Variants in MCPH1 observed in about 807,000 individuals in gnomAD.
MCPH1 encodes microcephalin.
MCPH1 carries 104 observed loss-of-function variants against 84.5 expected under a neutral mutation model. The observed-to-expected ratio is 1.23, with a 90% CI of 1.05 to 1.45. The LOEUF is 1.45. Among genes scored for constraint, MCPH1 ranks in the 40% most tolerant of loss-of-function variants. The probability of loss-of-function intolerance (pLI) is 0.00; values close to 1 mark genes in which losing one functional copy is unlikely to be tolerated. For synonymous variants in MCPH1, 514 were observed against 366.8 expected (o/e 1.40, Z -4.58); for missense variants, 1,498 against 1,005.7 (o/e 1.49, Z -6.62).
At chr8:6,433,054 T>C (rs890255988) in intron 4 of MCPH1, among the ~76,000 whole-genome samples, 1 of 152,220 alleles carries the variant, frequency 6.6e-6, no homozygotes, top group African/African-American at 2.4e-5. Flanking sequence ...TGCTATCTTA[T>C]GTGTATCATT....
chr8:6,623,714 AAAAAC>A, intron 13 of MCPH1, among the ~76,000 whole-genome samples: 4 of 2,992 alleles, frequency 1.3e-3, no homozygotes, highest in African/African-American at 3.9e-3. Context: ...AAAAAAAAAA[AAAAAC>A]TATTGATTTT....
At position 6,473,990 on chromosome 8, in the gene MCPH1, A is replaced by G. The variant is rs1444984252; in HGVS notation, c.1936-3604A>G. 3 of 984,912 alleles carry G rather than the reference A, an allele frequency of 3.0e-6. No individual in the cohort carries two copies. In the African/African-American group the frequency reaches 4.8e-5, roughly 16 times the overall value. The allele number at this position is 984,912 out of a possible 1,614,324, so 61.0% of individuals were successfully genotyped here. A position where few individuals can be genotyped will look rare whatever the true frequency, so the allele number is the denominator to read the frequency against. On this transcript the variant is annotated intron_variant, in intron 9 of 13. Transcript: ENST00000344683. Reference sequence around the variant, plus strand: ...GGCTTCTTCATAAAGAACTTGGAAAATCTCACACTGAATATTGTCTTTTAG... The same window carrying G: ...GGCTTCTTCATAAAGAACTTGGAAAGTCTCACACTGAATATTGTCTTTTAG...
intron 5 of MCPH1, among the ~76,000 whole-genome samples, chr8:6,436,420 T>G (rs997226270): frequency 1.3e-5 from 2 of 152,206 alleles, no homozygotes; most frequent in Non-Finnish European, 2.9e-5. Flanking sequence ...CGGGAATGAT[T>G]TCAGAAGAAA....
chr8:6,634,494 T>C (rs1014872321), intron 13 of MCPH1, among the ~76,000 whole-genome samples: 97 of 88,964 alleles, frequency 1.1e-3, no homozygotes, highest in African/African-American at 3.0e-3. Context: ...ACAGAATGAC[T>C]GTGCAGTGCT....
At chr8:6,475,159 C>T (rs1563259416) in intron 9 of MCPH1, among the ~76,000 whole-genome samples, 1 of 152,174 alleles carries the variant, frequency 6.6e-6, no homozygotes, top group Non-Finnish European at 1.5e-5. Flanking sequence ...ATGGTTATCC[C>T]AGGATGAGAG....
chr8:6,640,060 G>GTGTGTC (rs1797829932), intron 13 of MCPH1, among the ~76,000 whole-genome samples: 1 of 10,134 alleles, frequency 9.9e-5, no homozygotes, highest in Non-Finnish European at 4.0e-4. Flanking sequence ...TTTTAAACTC[G>GTGTGTC]TGTGTGTGTG....
intron 12 of MCPH1, among the ~76,000 whole-genome samples, chr8:6,529,608 A>G (rs1202958848): frequency 6.7e-6 from 1 of 150,334 alleles, no homozygotes; most frequent in African/African-American, 2.4e-5. Context: ...AAGTGCACAC[A>G]AGCACGCCTG....
At chr8:6,627,758 G>C (rs1417761554) in intron 13 of MCPH1, among the ~76,000 whole-genome samples, 1 of 152,136 alleles carries the variant, frequency 6.6e-6, no homozygotes, top group Non-Finnish European at 1.5e-5. Flanking sequence ...GGGCATGGTG[G>C]TGCAAGCCTA....
chr8:6,580,513 G>A (rs1349148416), intron 12 of MCPH1, among the ~76,000 whole-genome samples: 2 of 152,136 alleles, frequency 1.3e-5, no homozygotes, highest in Non-Finnish European at 1.5e-5. Context: ...AAATTAGCTG[G>A]GCATGGTGGC....
chr8:6,565,909 C>G (rs910687324), intron 12 of MCPH1, among the ~76,000 whole-genome samples: 24 of 152,174 alleles, frequency 1.6e-4, no homozygotes, highest in African/African-American at 5.3e-4. Context: ...AGGAACAGCT[C>G]TTTGTAGATT....
chr8:6,577,863 G>T (rs531842918), intron 12 of MCPH1, among the ~76,000 whole-genome samples: 1 of 152,344 alleles, frequency 6.6e-6, no homozygotes, highest in African/African-American at 2.4e-5. Context: ...GTGATCCAGA[G>T]CTGAATTAAT....
At chr8:6,416,298 G>A (rs1442068371) in intron 3 of MCPH1, among the ~76,000 whole-genome samples, 3 of 151,604 alleles carry the variant, frequency 2.0e-5, no homozygotes, top group African/African-American at 7.3e-5. Context: ...GTCATGTCAT[G>A]TCATGTCATG....
intron 13 of MCPH1, among the ~76,000 whole-genome samples, chr8:6,640,162 T>C (rs1337043784): frequency 6.6e-6 from 1 of 151,728 alleles, no homozygotes; most frequent in Non-Finnish European, 1.5e-5. Flanking sequence ...CTGAATTCAA[T>C]TTTAAGAGAT....
intron 3 of MCPH1, among the ~76,000 whole-genome samples, chr8:6,416,287 TGTCATGTCATGTCA>T: frequency 1.4e-3 from 1 of 708 alleles, no homozygotes; most frequent in East Asian, 0.062. Context: ...TGTCATGTCA[TGTCATGTCATGTCA>T]TGTCATGTCA....
intron 12 of MCPH1, among the ~76,000 whole-genome samples, chr8:6,561,353 A>G (rs976251279): frequency 6.6e-6 from 1 of 152,230 alleles, no homozygotes; most frequent in African/African-American, 2.4e-5. Context: ...CACAGTAACC[A>G]GTGGTGCTGG....
intron 12 of MCPH1, among the ~76,000 whole-genome samples, chr8:6,590,274 A>G (rs1472335232): frequency 6.6e-6 from 1 of 152,206 alleles, no homozygotes; most frequent in Non-Finnish European, 1.5e-5. Flanking sequence ...CAATAAAGCC[A>G]GGATGTCAGT....
At chr8:6,642,779 AGT>A (rs1313804492) in intron 13 of MCPH1, 5 of 609,366 alleles carry the variant, frequency 8.2e-6, no homozygotes, top group Non-Finnish European at 1.5e-5. Flanking sequence ...TGAACTGGCC[AGT>A]GTGACTGAGA....
Position 6,583,857 on chromosome 8 carries a change from G to GTTT in MCPH1, c.2215-37588_2215-37586dup, listed in dbSNP as rs1463525699. ...GTTATTGGTGTTCATTTCTTGTTTT[G>GTTT]TTTTTTTTTTTAAGACATATCTTTG... is the stretch of plus-strand genomic sequence containing the variant. On this transcript the variant is annotated intron_variant, in intron 12 of 13. Coordinates refer to ENST00000344683, the MANE Select transcript of MCPH1 (RefSeq NM_024596.5). Among the ~76,000 whole-genome samples, 166 of 140,312 alleles carry GTTT rather than the reference G, an allele frequency of 1.2e-3. 3 individuals are homozygous for GTTT. The highest frequency in any genetic ancestry group is 1.9e-3 in the Non-Finnish European group (124 of 66,226). 92.1% of individuals were successfully genotyped at this position (140,312 alleles called of 152,430 possible).
At chr8:6,481,002 G>A in intron 11 of MCPH1, 126 bp downstream of exon 11, 2 of 1,154,676 alleles carry the variant, frequency 1.7e-6, no homozygotes, top group Non-Finnish European at 2.5e-6. Context: ...TTTCCTGTGA[G>A]CTGGGAACAC....
Sources: gnomAD v4.1 joint callset for allele counts (sites outside exome capture counted in the v4.1 genomes callset) on GRCh38, gnomAD v4.1.1 for gene constraint, MANE v1.5 for transcripts, NCBI Gene and HGNC (gene_info 2026-07-23, HGNC 2026-07-21) for gene names.